TSHR: variants seen among roughly 807,000 people sequenced by gnomAD.
The protein encoded by TSHR is thyrotropin receptor.
Under a neutral mutation model 64.1 loss-of-function variants are expected in TSHR, and 51 were observed. The ratio of observed to expected loss-of-function variants is 0.80; its 90% CI spans 0.64 to 1.01. TSHR has a LOEUF of 1.01. TSHR is among the 50% of genes least tolerant of loss of function. TSHR has a pLI of 0.00. For synonymous variants in TSHR, 361 were observed against 361.9 expected (o/e 1.00, Z 0.03); for missense variants, 877 against 942.8 (o/e 0.93, Z 0.91).
chr14:81,103,645 T>C lies in TSHR; in HGVS notation c.615-4730T>C, dbSNP rs1889721055. 1 of 985,470 alleles carries C rather than the reference T, an allele frequency of 1.0e-6. No homozygotes were observed. The highest frequency in any genetic ancestry group is 1.2e-6 in the Non-Finnish European group (1 of 829,942). The allele number at this position is 985,470 out of a possible 1,614,324, so 61.0% of individuals were successfully genotyped here. On this transcript the variant is annotated intron_variant, in intron 7 of 9. Transcript: ENST00000298171. This position sits in a 1 kb window ranked among gnomAD's most constrained non-coding sequence, Gnocchi z 4.1. ...ACTTCCTATGGCGCCAAGAATGTTG[T>C]CATCACTCAGAGGTGAAATTAATAA...
rs369964950 is a variant in TSHR at position 81,041,365 on chromosome 14, G to T, written c.171-20783G>T. Among the ~76,000 whole-genome samples the T allele has an allele frequency of 1.2e-4, 19 of 152,230 alleles. No individual in the cohort carries two copies. The East Asian group carries it at 3.3e-3, about 26-fold the overall frequency. ...AAAAAAGAACGAGATCATGTCCTTT[G>T]CAGGGACATGGATGAAGCTAGGGGC... On this transcript the variant is annotated intron_variant, in intron 1 of 9. Coordinates refer to ENST00000298171, the MANE Select transcript of TSHR (RefSeq NM_000369.5).
intron 3 of TSHR, among the ~76,000 whole-genome samples, chr14:81,080,035 C>A (rs1481657849): frequency 6.6e-6 from 1 of 152,122 alleles, no homozygotes; most frequent in Admixed American, 6.5e-5. Context: ...TCACTGCAAC[C>A]TCCGCCTCCT....
At chr14:80,991,961 G>T (rs760692755) in intron 1 of TSHR, 25 of 195,490 alleles carry the variant, frequency 1.3e-4, no homozygotes, top group Non-Finnish European at 2.5e-4. Context: ...AAGGATAAAA[G>T]GTGCTTTTCA....
chr14:80,996,545 G>A (rs1889031259), intron 1 of TSHR, among the ~76,000 whole-genome samples: 1 of 152,184 alleles, frequency 6.6e-6, no homozygotes, highest in Non-Finnish European at 1.5e-5. Context: ...TGTACAGGGA[G>A]TCTAGTTACT....
chr14:81,072,508 G>A (rs1489906247), intron 3 of TSHR, among the ~76,000 whole-genome samples: 1 of 152,016 alleles, frequency 6.6e-6, no homozygotes, highest in Non-Finnish European at 1.5e-5. Flanking sequence ...TAATAGTAGT[G>A]GGGAATGGAA....
At chr14:81,087,590 AAAT>A in intron 3 of TSHR, 1 of 319,592 alleles carries the variant, frequency 3.1e-6, no homozygotes, top group South Asian at 2.8e-5. Context: ...GAATACTTAT[AAAT>A]AATAAAGATA....
At chr14:80,991,712 G>A in intron 1 of TSHR, 1 of 395,512 alleles carries the variant, frequency 2.5e-6, no homozygotes, top group Non-Finnish European at 4.5e-6. Context: ...AGGGCCTAGG[G>A]AAGTTCTGCT....
intron 1 of TSHR, chr14:80,956,056 C>T: frequency 3.1e-6 from 2 of 641,722 alleles, no homozygotes; most frequent in Non-Finnish European, 5.6e-6. Context: ...TTGACATCCT[C>T]ATTCCCAACA....
rs1294870139 is a variant in TSHR, at chr14:81,143,638, T to C, written c.1580T>C (p.Met527Thr). The change falls in exon 10 of 10, where the codon ATG becomes ACG. Residue 527 changes from methionine to threonine, a missense_variant. Physicochemically the swap from Met to Thr is moderately conservative, Grantham distance 81. Coordinates refer to ENST00000298171, the MANE Select transcript of TSHR (RefSeq NM_000369.5). ...CGCTGGTATGCCATCACCTTCGCCA[T>C]GCGCCTGGACCGGAAGATCCGCCTC... ...LERWYAITFA[M>T]RLDRKIRLRH... The C allele has an allele frequency of 1.2e-6, 2 of 1,614,128 alleles. No homozygotes were observed. The highest frequency in any genetic ancestry group is 1.1e-5 in the South Asian group (1 of 91,086).
At chr14:81,050,496 A>G (rs1885374993) in intron 1 of TSHR, 1 of 152,046 alleles carries the variant, frequency 6.6e-6, no homozygotes, top group South Asian at 2.1e-4. Context: ...TGACAGTTGT[A>G]TTTCTCATCA....
chr14:81,013,511 G>T (rs191705612), intron 1 of TSHR: 1 of 152,240 alleles, frequency 6.6e-6, no homozygotes, highest in East Asian at 1.9e-4. Context: ...GGATTTGTAC[G>T]TGCCATTATG....
At chr14:81,091,493 A>G (rs1888733871) in intron 5 of TSHR, among the ~76,000 whole-genome samples, 1 of 152,198 alleles carries the variant, frequency 6.6e-6, no homozygotes, top group African/African-American at 2.4e-5. Flanking sequence ...ATTGCAAGAT[A>G]TTGAGTCAGG....
At chr14:81,139,994 G>T in intron 9 of TSHR, 127 bp downstream of exon 9, 2 of 1,284,922 alleles carry the variant, frequency 1.6e-6, no homozygotes, top group Non-Finnish European at 2.2e-6. Flanking sequence ...GCATCCATAT[G>T]AAACAGGAAA....
Position 81,139,809 on chromosome 14 carries a change from G to A in TSHR, c.823G>A (p.Ala275Thr), listed in dbSNP as rs180762551. 3.7e-6 allele frequency: 6 copies of A among 1,614,202 alleles called. No homozygotes were observed. The East Asian group carries it at 1.3e-4, about 36-fold the overall frequency. ...CTTGAGTTTCCTTCACCTCACACGG[G>A]CTGACCTTTCTTACCCAAGCCACTG... is the stretch of plus-strand genomic sequence containing the variant. ...LSLSFLHLTRADLSYPSHCCA... is the reference protein window; with the variant it reads ...LSLSFLHLTRTDLSYPSHCCA... The change falls in exon 9 of 10, where the codon GCT (alanine) becomes ACT (threonine). Residue 275 changes from alanine (A) to threonine (T), a missense_variant. Transcript: ENST00000298171.
chr14:80,986,179 G>A (rs768647316), intron 1 of TSHR, among the ~76,000 whole-genome samples: 14 of 152,240 alleles, frequency 9.2e-5, no homozygotes, highest in Admixed American at 3.9e-4. Context: ...TGGTCATAGT[G>A]GGAAGGTTTG....
At chr14:81,138,469 G>A (rs1891545844) in intron 8 of TSHR, among the ~76,000 whole-genome samples, 1 of 152,074 alleles carries the variant, frequency 6.6e-6, no homozygotes, top group African/African-American at 2.4e-5. Flanking sequence ...GATTACAGGC[G>A]TGAGCTACCG....
In TSHR at chr14:81,144,529, A is replaced by G; in HGVS notation, c.*176A>G. On this transcript the variant is annotated 3_prime_UTR_variant, in exon 10 of 10. Transcript: ENST00000298171. ...CTGGAGAGTGATTAGTATTAACCTA[A>G]TCATTGCCCCCAAGAAGGAAGTTAG... is the stretch of plus-strand genomic sequence containing the variant. The G allele has an allele frequency of 4.5e-6, 3 of 661,694 alleles. No homozygotes were observed. Among genetic ancestry groups the G allele is most frequent in the Non-Finnish European group, 7.6e-6 (3 of 393,078 alleles). 41.0% of individuals were successfully genotyped at this position (661,694 alleles called of 1,614,324 possible). A position where few individuals can be genotyped will look rare whatever the true frequency, so the allele number is the denominator to read the frequency against.
chr14:81,008,360 G>A (rs984822470), intron 1 of TSHR, among the ~76,000 whole-genome samples: 1 of 151,964 alleles, frequency 6.6e-6, no homozygotes, highest in Non-Finnish European at 1.5e-5. Flanking sequence ...TTTTAGTAGA[G>A]ACGGAGTTTC....
At chr14:81,140,350 C>T (rs1302508721) in intron 9 of TSHR, among the ~76,000 whole-genome samples, 1 of 152,062 alleles carries the variant, frequency 6.6e-6, no homozygotes, top group African/African-American at 2.4e-5. Context: ...GGGTTTATAC[C>T]GCAGCTCTGC....
Sources: gnomAD v4.1 joint callset for allele counts (sites outside exome capture counted in the v4.1 genomes callset) on GRCh38, gnomAD v4.1.1 for gene constraint, Gnocchi (gnomAD v3.1) non-coding constraint, MANE v1.5 for transcripts, NCBI Gene and HGNC (gene_info 2026-07-23, HGNC 2026-07-21) for gene names.